HMGCLL1: variants seen among roughly 807,000 people sequenced by gnomAD.
HMGCLL1 encodes 3-hydroxymethyl-3-methylglutaryl-CoA lyase, cytoplasmic.
A neutral mutation model predicts 39.1 loss-of-function variants in HMGCLL1; 36 were observed. The ratio of observed to expected loss-of-function variants is 0.92; its 90% CI spans 0.71 to 1.22. The LOEUF is 1.22. Among genes scored for constraint, HMGCLL1 ranks in the 50% most tolerant of loss-of-function variants. The pLI, the probability that HMGCLL1 is intolerant of heterozygous loss-of-function variation, is 0.00. For synonymous variants in HMGCLL1, 149 were observed against 144.0 expected, an observed-to-expected ratio of 1.03 and a Z score of -0.25; for missense variants, 451 against 416.5, an observed-to-expected ratio of 1.08 and a Z score of -0.72.
intron 3 of HMGCLL1, among the ~76,000 whole-genome samples, chr6:55,518,625 G>A (rs150264090): frequency 0.014 from 2,201 of 152,208 alleles, 31 homozygotes; most frequent in Non-Finnish European, 0.025. Context: ...CCACTGTGGG[G>A]AAATCAGCCA....
intron 3 of HMGCLL1, among the ~76,000 whole-genome samples, chr6:55,541,229 A>G (rs1769415798): frequency 6.6e-6 from 1 of 151,994 alleles, no homozygotes; most frequent in African/African-American, 2.4e-5. Context: ...ATTCTAGATG[A>G]CTCTCTGCTT....
the HMGCLL1 span, among the ~76,000 whole-genome samples, chr6:55,647,593 A>C: frequency 4.0e-5 from 6 of 151,760 alleles, no homozygotes; most frequent in African/African-American, 1.4e-4. Flanking sequence ...TGAGGCTTGC[A>C]AACACTGTCT....
At chr6:55,547,684 T>C (rs1171574953) in intron 1 of HMGCLL1, among the ~76,000 whole-genome samples, 1 of 152,036 alleles carries the variant, frequency 6.6e-6, no homozygotes, top group Non-Finnish European at 1.5e-5. Context: ...TGACTTTCTT[T>C]CAAAATTAAA....
At chr6:55,457,829 CT>C (rs1764391057) in intron 7 of HMGCLL1, among the ~76,000 whole-genome samples, 2 of 152,244 alleles carry the variant, frequency 1.3e-5, no homozygotes, top group South Asian at 4.1e-4. Flanking sequence ...ATTAACCCAC[CT>C]TGAGTCACAC....
chr6:55,495,660 C>A, intron 6 of HMGCLL1, 53 bp from the exon 7 acceptor site: 1 of 1,338,514 alleles, frequency 7.5e-7, no homozygotes, highest in Non-Finnish European at 1.0e-6. Flanking sequence ...GAGACTCAAA[C>A]CCTCTTGTGC....
chr6:55,597,621 G>A, the HMGCLL1 span, among the ~76,000 whole-genome samples: 10 of 152,018 alleles, frequency 6.6e-5, no homozygotes, highest in South Asian at 6.2e-4. Context: ...GAATTTCTCC[G>A]CTTTTTTCAT....
At position 55,569,592 on chromosome 6, in the gene HMGCLL1, A is replaced by C. The variant is rs145610350; in HGVS notation, c.108+9356T>G. 4.6e-5 allele frequency among the ~76,000 whole-genome samples: 7 copies of C among 152,214 alleles called. No homozygotes were observed. The East Asian group carries it at 7.7e-4, about 17-fold the overall frequency. On this transcript the variant is annotated intron_variant, in intron 1 of 8. Coordinates refer to ENST00000274901, the MANE Select transcript of HMGCLL1 (RefSeq NM_001042406.2). ...AACCTTTCTGAACCACAGTTACCAA[A>C]TCTGTAAAATGGATTATTGTAAGGA...
chr6:55,640,282 T>A, the HMGCLL1 span, among the ~76,000 whole-genome samples: 1 of 152,174 alleles, frequency 6.6e-6, no homozygotes, highest in East Asian at 1.9e-4. Flanking sequence ...ACAAACTAAA[T>A]GTGCATTAAC....
chr6:55,496,805 A>C (rs1004917269), intron 6 of HMGCLL1, among the ~76,000 whole-genome samples: 1 of 152,122 alleles, frequency 6.6e-6, no homozygotes, highest in Non-Finnish European at 1.5e-5. Context: ...CGAAAATCAA[A>C]ATATGTGTTA....
In HMGCLL1 at chr6:55,578,979, TC is replaced by T. The variant is rs1221090354; in HGVS notation, c.76del (p.Asp26IlefsTer25). ...QLLREHLWIGDSVAGALDPAQ... is the reference protein window; with the variant it reads ...QLLREHLWIGXSVAGALDPAQ... ...GGGGTCGAGCGCCCCTGCCACTGAA[TC>T]CCCGATCCAGAGATGCTCCCGGAGA... is the stretch of plus-strand genomic sequence containing the variant. On this transcript the variant is annotated frameshift_variant, in exon 1 of 9. Coordinates refer to ENST00000274901, the MANE Select transcript of HMGCLL1 (RefSeq NM_001042406.2). LOFTEE classifies it high-confidence loss of function. 1 of 1,613,358 alleles carries T rather than the reference TC, an allele frequency of 6.2e-7. No individual in the cohort carries two copies. The highest frequency in any genetic ancestry group is 8.5e-7 in the Non-Finnish European group (1 of 1,179,786).
intron 7 of HMGCLL1, among the ~76,000 whole-genome samples, chr6:55,456,648 G>T (rs188806639): frequency 6.2e-4 from 95 of 152,222 alleles, no homozygotes; most frequent in African/African-American, 2.2e-3. Context: ...CCCACTAACA[G>T]CTTTGGGTGG....
chr6:55,620,625 TTACACACACACACACACACA>T, the HMGCLL1 span, among the ~76,000 whole-genome samples: 1 of 139,992 alleles, frequency 7.1e-6, no homozygotes. Context: ...TTTTGGGGTG[TTACACACACACACACACACA>T]GACACACAGA....
At chr6:55,663,144 A>C in the HMGCLL1 span, among the ~76,000 whole-genome samples, 1 of 151,158 alleles carries the variant, frequency 6.6e-6, no homozygotes, top group Non-Finnish European at 1.5e-5. Context: ...TGAACTCATT[A>C]ATCATTTTAA....
intron 7 of HMGCLL1, among the ~76,000 whole-genome samples, chr6:55,489,039 G>A (rs986318265): frequency 2.6e-5 from 4 of 151,916 alleles, no homozygotes; most frequent in African/African-American, 9.7e-5. Context: ...TGTGATAATA[G>A]TTTATGTTCA....
chr6:55,627,873 AAACTCCCT>A, the HMGCLL1 span, among the ~76,000 whole-genome samples: 2 of 65,444 alleles, frequency 3.1e-5, no homozygotes, highest in African/African-American at 1.2e-4. Flanking sequence ...AATACTTAAT[AAACTCCCT>A]TATATATATA....
At chr6:55,542,510 T>G (rs1031002111) in intron 1 of HMGCLL1, among the ~76,000 whole-genome samples, 2 of 151,986 alleles carry the variant, frequency 1.3e-5, no homozygotes, top group Non-Finnish European at 2.9e-5. Flanking sequence ...CCAGGCACAG[T>G]GGCTCACGCC....
chr6:55,626,209 A>C, the HMGCLL1 span, among the ~76,000 whole-genome samples: 1 of 152,134 alleles, frequency 6.6e-6, no homozygotes, highest in African/African-American at 2.4e-5. Flanking sequence ...TCCTCACAGG[A>C]ATAGACACTC....
At chr6:55,441,302 C>A (rs562313498) in intron 7 of HMGCLL1, among the ~76,000 whole-genome samples, 1 of 151,990 alleles carries the variant, frequency 6.6e-6, no homozygotes, top group Non-Finnish European at 1.5e-5. Context: ...CTAATCAGAT[C>A]GGGCATTTGG....
At chr6:55,658,178 A>G in the HMGCLL1 span, among the ~76,000 whole-genome samples, 4 of 151,988 alleles carry the variant, frequency 2.6e-5, no homozygotes, top group African/African-American at 7.2e-5. Context: ...AGACTTGAGA[A>G]TAGATGACAA....
Sources: allele counts gnomAD v4.1 joint callset (sites outside exome capture counted in the v4.1 genomes callset), GRCh38; gene constraint gnomAD v4.1.1; transcripts MANE v1.5; gene names NCBI Gene and HGNC (gene_info 2026-07-23, HGNC 2026-07-21).